The following LRP1B variants were observed in gnomAD, a reference collection of about 807,000 sequenced individuals.
The protein encoded by LRP1B is LDL receptor related protein 1B, also known as low-density lipoprotein receptor-related protein 1B.
Under a neutral mutation model 556.6 loss-of-function variants are expected in LRP1B, and 217 were observed. The ratio of observed to expected loss-of-function variants is 0.39; its 90% CI spans 0.35 to 0.44. The LOEUF (loss-of-function observed/expected upper bound fraction) is 0.44, where lower values mean the gene tolerates loss of function less well. LRP1B is among the 20% of genes least tolerant of loss of function. The pLI is 1.00. For missense variants in LRP1B, 5,053 were observed against 5,620.8 expected, an observed-to-expected ratio of 0.90 and a Z score of 3.23; for synonymous variants, 2,047 against 1,865.8, an observed-to-expected ratio of 1.10 and a Z score of -2.50.
At chr2:141,565,329 T>C (rs1240043829) in intron 2 of LRP1B, among the ~76,000 whole-genome samples, 1 of 152,156 alleles carries the variant, frequency 6.6e-6, no homozygotes, top group African/African-American at 2.4e-5. Context: ...ACGATTCAAA[T>C]GAAATTAGAA....
intron 1 of LRP1B, among the ~76,000 whole-genome samples, chr2:141,859,441 C>A (rs1698170432): frequency 6.6e-6 from 1 of 152,224 alleles, no homozygotes; most frequent in Non-Finnish European, 1.5e-5. Context: ...GGAATTGGGA[C>A]TTCATGATTT....
chr2:141,472,506 C>T (rs1682515898), intron 3 of LRP1B, among the ~76,000 whole-genome samples: 1 of 152,130 alleles, frequency 6.6e-6, no homozygotes, highest in South Asian at 2.1e-4. Flanking sequence ...TACCAGTGCA[C>T]TCCAGCCTGG....
At position 141,096,253 on chromosome 2, in the gene LRP1B, A is replaced by C. The variant is rs546606337; in HGVS notation, c.1014-33980T>G. Among the ~76,000 whole-genome samples, 8 of 152,228 alleles carry C rather than the reference A, an allele frequency of 5.3e-5. No individual in the cohort carries two copies. The East Asian group carries it at 1.5e-3, about 29-fold the overall frequency. On this transcript the variant is annotated intron_variant, in intron 7 of 90. Transcript: ENST00000389484. ...ATCAGAGAGTGTATTTACACAAAAG[A>C]GTGTGCTTCTTCTTTTTCCCTTTCA...
At chr2:142,051,561 T>C (rs1704459709) in intron 1 of LRP1B, among the ~76,000 whole-genome samples, 1 of 151,904 alleles carries the variant, frequency 6.6e-6, no homozygotes, top group Non-Finnish European at 1.5e-5. Flanking sequence ...CATTGCAACC[T>C]CTGCCTCCTG....
In LRP1B at chr2:141,017,999, T is replaced by TAA. The variant is rs201347962; in HGVS notation, c.1970+1921_1970+1922dup. 3.4e-3 allele frequency among the ~76,000 whole-genome samples: 398 copies of TAA among 117,038 alleles called. 1 individual carries two copies. The highest frequency in any genetic ancestry group is 0.012 in the African/African-American group (367 of 31,658). 76.8% of individuals were successfully genotyped at this position (117,038 alleles called of 152,430 possible). A position where few individuals can be genotyped will look rare whatever the true frequency, so the allele number is the denominator to read the frequency against. ...CTGGGTAACAGAGTAAGATCCTGTC[T>TAA]AAAAAAAAAAAAAAAAATTATGAAA... On this transcript the variant is annotated intron_variant, in intron 12 of 90. Coordinates refer to ENST00000389484, the MANE Select transcript of LRP1B (RefSeq NM_018557.3).
At chr2:142,102,449 A>G (rs926240123) in intron 1 of LRP1B, among the ~76,000 whole-genome samples, 1 of 151,860 alleles carries the variant, frequency 6.6e-6, no homozygotes, top group South Asian at 2.1e-4. Context: ...CTAGGTTCCT[A>G]TCTCCTAGGA....
At chr2:141,550,523 C>A (rs573976309) in intron 2 of LRP1B, among the ~76,000 whole-genome samples, 1 of 152,062 alleles carries the variant, frequency 6.6e-6, no homozygotes, top group Non-Finnish European at 1.5e-5. Context: ...AGTACTATAA[C>A]GTAAAGTAAA....
At chr2:141,521,597 AT>A (rs1684531980) in intron 2 of LRP1B, among the ~76,000 whole-genome samples, 1 of 151,894 alleles carries the variant, frequency 6.6e-6, no homozygotes, top group Admixed American at 6.6e-5. Context: ...ATTGAGATAT[AT>A]ATATATAAAA....
Position 141,748,751 on chromosome 2 carries a change from G to A in LRP1B, c.205+61528C>T, listed in dbSNP as rs563794578. ...AGGTTTCTGTGGTAGAAACACTCTG[G>A]CCTCTTCCAAAGCAGAAGGCTCTGG... On this transcript the variant is annotated intron_variant, in intron 2 of 90. Transcript: ENST00000389484. Among the ~76,000 whole-genome samples the A allele has an allele frequency of 2.6e-5, 4 of 152,276 alleles. No homozygotes were observed. In the East Asian group the frequency reaches 7.7e-4, roughly 29 times the overall value.
At position 140,929,260 on chromosome 2, in the gene LRP1B, A is replaced by G. The variant is rs72990156; in HGVS notation, c.3137-6113T>C. Among the ~76,000 whole-genome samples the G allele has an allele frequency of 3.8e-3, 584 of 152,254 alleles. 5 individuals carry two copies. Among genetic ancestry groups the G allele is most frequent in the African/African-American group, 0.012 (506 of 41,566 alleles). On this transcript the variant is annotated intron_variant, in intron 20 of 90. Transcript: ENST00000389484. ...TACAAACAATGTCTTAAATGCTCTG[A>G]TAAGAGAGAATGCCAGGAGAACACA...
intron 6 of LRP1B, among the ~76,000 whole-genome samples, chr2:141,215,389 C>A (rs1573663633): frequency 6.6e-6 from 1 of 152,126 alleles, no homozygotes; most frequent in Admixed American, 6.6e-5. Flanking sequence ...CAGCCTAATA[C>A]AGATAATTGG....
chr2:141,902,855 C>T (rs1699659342), intron 1 of LRP1B, among the ~76,000 whole-genome samples: 1 of 151,862 alleles, frequency 6.6e-6, no homozygotes, highest in Non-Finnish European at 1.5e-5. Flanking sequence ...TTGTTTAGAA[C>T]TCCAAAAAGA....
At chr2:140,788,819 CTT>C (rs1690003756) in intron 32 of LRP1B, among the ~76,000 whole-genome samples, 1 of 152,026 alleles carries the variant, frequency 6.6e-6, no homozygotes, top group African/African-American at 2.4e-5. Flanking sequence ...GAGATTGAGT[CTT>C]AAAAGAGATA....
chr2:141,178,298 A>G (rs1227003263), intron 7 of LRP1B, among the ~76,000 whole-genome samples: 1 of 152,092 alleles, frequency 6.6e-6, no homozygotes, highest in African/African-American at 2.4e-5. Context: ...AGAAAAAAAT[A>G]AGGCTAACAA....
chr2:140,561,410 A>T (rs917885874), intron 43 of LRP1B, among the ~76,000 whole-genome samples: 1 of 152,148 alleles, frequency 6.6e-6, no homozygotes, highest in African/African-American at 2.4e-5. Flanking sequence ...ATGGCTGTCC[A>T]TTCTTCATTG....
chr2:140,540,300 TA>T (rs1180829773), intron 45 of LRP1B, among the ~76,000 whole-genome samples: 7 of 152,132 alleles, frequency 4.6e-5, no homozygotes, highest in African/African-American at 1.7e-4. Context: ...TAAATTGCCT[TA>T]ACGTTAAAAG....
chr2:140,875,080 G>C (rs1487799490), intron 25 of LRP1B, among the ~76,000 whole-genome samples: 1 of 149,006 alleles, frequency 6.7e-6, no homozygotes, highest in African/African-American at 2.5e-5. Context: ...AGCAATTAAA[G>C]CCTCATATTT....
At chr2:140,757,667 G>A (rs1199372354) in intron 35 of LRP1B, among the ~76,000 whole-genome samples, 1 of 152,176 alleles carries the variant, frequency 6.6e-6, no homozygotes, top group East Asian at 1.9e-4. Context: ...GATCATTTGA[G>A]GCCAGGAGTT....
intron 3 of LRP1B, among the ~76,000 whole-genome samples, chr2:141,334,181 C>T (rs1687761365): frequency 6.6e-6 from 1 of 152,148 alleles, no homozygotes; most frequent in Non-Finnish European, 1.5e-5. Flanking sequence ...GTGTCCCTAG[C>T]CAAATCTCCT....
Sources: allele counts gnomAD v4.1 joint callset (sites outside exome capture counted in the v4.1 genomes callset), GRCh38; gene constraint gnomAD v4.1.1; transcripts MANE v1.5; gene names NCBI Gene and HGNC (gene_info 2026-07-23, HGNC 2026-07-21).